Variants in TENM3 observed in about 807,000 individuals in gnomAD.
The protein encoded by TENM3 is teneurin transmembrane protein 3, also known as teneurin-3.
A neutral mutation model predicts 255.1 loss-of-function variants in TENM3; 63 were observed. The observed-to-expected ratio is 0.25, with a 90% confidence interval of 0.20 to 0.30. The LOEUF (loss-of-function observed/expected upper bound fraction) is 0.30. Among genes scored for constraint, TENM3 ranks in the 10% least tolerant of loss-of-function variants. The pLI is 1.00. For synonymous variants in TENM3, 1,306 were observed against 1,322.3 expected (o/e 0.99, Z 0.27); for missense variants, 2,929 against 3,461.1 (o/e 0.85, Z 3.86).
the TENM3 span, among the ~76,000 whole-genome samples, chr4:181,932,523 A>G: frequency 6.6e-6 from 1 of 152,146 alleles, no homozygotes; most frequent in Admixed American, 6.6e-5. Flanking sequence ...AACAGATGCT[A>G]GAGAGGATGT....
the TENM3 span, among the ~76,000 whole-genome samples, chr4:182,125,753 G>C: frequency 1.5e-5 from 2 of 136,106 alleles, no homozygotes; most frequent in African/African-American, 5.6e-5. Flanking sequence ...TCAAGGAAAA[G>C]CCCCCTTTCC....
chr4:181,521,163 T>A, the TENM3 span, among the ~76,000 whole-genome samples: 3 of 152,214 alleles, frequency 2.0e-5, no homozygotes, highest in Non-Finnish European at 4.4e-5. Context: ...GATTCAGCTC[T>A]TTACATCTGA....
chr4:182,531,723 G>A (rs112334694), intron 3 of TENM3, among the ~76,000 whole-genome samples: 1 of 152,164 alleles, frequency 6.6e-6, no homozygotes, highest in African/African-American at 2.4e-5. Context: ...TGTGAAATGT[G>A]TTCTGCCAGG....
At chr4:182,076,845 G>C in the TENM3 span, among the ~76,000 whole-genome samples, 1 of 152,180 alleles carries the variant, frequency 6.6e-6, no homozygotes, top group African/African-American at 2.4e-5. Context: ...GCACGGCCAT[G>C]TTCCCATACA....
At chr4:181,930,830 CT>C in the TENM3 span, among the ~76,000 whole-genome samples, 3 of 152,200 alleles carry the variant, frequency 2.0e-5, no homozygotes, top group African/African-American at 7.2e-5. Flanking sequence ...ATCCCGTCAG[CT>C]TCATACCTGG....
At chr4:182,491,306 T>G (rs1395608770) in intron 3 of TENM3, among the ~76,000 whole-genome samples, 1 of 152,152 alleles carries the variant, frequency 6.6e-6, no homozygotes, top group African/African-American at 2.4e-5. Flanking sequence ...AGTGAATAAA[T>G]TTCCCTAATG....
chr4:182,262,484 T>C (rs1476762357), intron 1 of TENM3, among the ~76,000 whole-genome samples: 1 of 152,078 alleles, frequency 6.6e-6, no homozygotes, highest in Non-Finnish European at 1.5e-5. Context: ...AAAACCAAGA[T>C]GGTGACGAGA....
the TENM3 span, among the ~76,000 whole-genome samples, chr4:181,768,808 T>A: frequency 1.3e-5 from 2 of 152,220 alleles, no homozygotes; most frequent in Non-Finnish European, 2.9e-5. Flanking sequence ...TTTCTCAATC[T>A]TATAGGCAAT....
intron 2 of TENM3, among the ~76,000 whole-genome samples, chr4:182,327,159 C>T (rs192071741): frequency 5.9e-5 from 9 of 152,296 alleles, no homozygotes; most frequent in African/African-American, 1.9e-4. Flanking sequence ...TTTTTTCTCA[C>T]GGACTATTAT....
chr4:182,302,408 T>C (rs1014295596), intron 1 of TENM3, among the ~76,000 whole-genome samples: 1 of 152,216 alleles, frequency 6.6e-6, no homozygotes, highest in African/African-American at 2.4e-5. Flanking sequence ...CATGTATTTA[T>C]TTAGCAAACT....
At chr4:181,587,661 A>G in the TENM3 span, among the ~76,000 whole-genome samples, 1 of 152,178 alleles carries the variant, frequency 6.6e-6, no homozygotes, top group Non-Finnish European at 1.5e-5. Flanking sequence ...ACTGTTAACC[A>G]GAAGCTCTAC....
intron 1 of TENM3, among the ~76,000 whole-genome samples, chr4:182,295,180 C>T (rs981407456): frequency 6.7e-6 from 1 of 149,086 alleles, no homozygotes; most frequent in African/African-American, 2.5e-5. Flanking sequence ...AAAAGTGATA[C>T]GTATTATTGA....
intron 5 of TENM3, among the ~76,000 whole-genome samples, chr4:182,647,678 A>G (rs145471018): frequency 6.6e-6 from 1 of 152,258 alleles, no homozygotes; most frequent in Non-Finnish European, 1.5e-5. Flanking sequence ...TAGTGCTGGT[A>G]AGAACATGAG....
At chr4:181,625,823 T>A in the TENM3 span, among the ~76,000 whole-genome samples, 4,440 of 116,238 alleles carry the variant, frequency 0.038, 91 homozygotes, top group South Asian at 0.11. Context: ...CAAAAAAAAA[T>A]AATAATAATA....
At chr4:181,803,748 T>C in the TENM3 span, among the ~76,000 whole-genome samples, 1 of 151,650 alleles carries the variant, frequency 6.6e-6, no homozygotes, top group Non-Finnish European at 1.5e-5. Flanking sequence ...CTGGGCAACA[T>C]AGTGAGATCC....
chr4:181,610,355 A>G, the TENM3 span, among the ~76,000 whole-genome samples: 2 of 152,208 alleles, frequency 1.3e-5, no homozygotes, highest in Non-Finnish European at 2.9e-5. Flanking sequence ...CTATAGCACA[A>G]AGGTGCCATT....
At chr4:181,730,989 C>T in the TENM3 span, among the ~76,000 whole-genome samples, 7 of 152,248 alleles carry the variant, frequency 4.6e-5, no homozygotes, top group Admixed American at 4.6e-4. Flanking sequence ...GAATCCTGTT[C>T]CACATTATGA....
At chr4:182,362,067 T>A (rs552361819) in intron 3 of TENM3, among the ~76,000 whole-genome samples, 3 of 152,308 alleles carry the variant, frequency 2.0e-5, no homozygotes, top group African/African-American at 7.2e-5. Context: ...TGTCTGATAG[T>A]TCCTCTGGAA....
At chr4:181,476,777 T>C in the TENM3 span, among the ~76,000 whole-genome samples, 3 of 152,124 alleles carry the variant, frequency 2.0e-5, no homozygotes, top group African/African-American at 7.2e-5. Context: ...ACTTCAAAAT[T>C]ACCTCTTCCA....
Sources: allele counts gnomAD v4.1 joint callset (sites outside exome capture counted in the v4.1 genomes callset), GRCh38; gene constraint gnomAD v4.1.1; transcripts MANE v1.5; gene names NCBI Gene and HGNC (gene_info 2026-07-23, HGNC 2026-07-21).